The following EGFLAM variants were observed in gnomAD, a reference collection of about 807,000 sequenced individuals.
EGFLAM encodes the protein pikachurin.
EGFLAM carries 79 observed loss-of-function variants against 113.1 expected under a neutral mutation model. That is an observed-to-expected ratio of 0.70 (90% CI 0.58 to 0.84). The LOEUF (loss-of-function observed/expected upper bound fraction) is 0.84. EGFLAM is among the 40% of genes least tolerant of loss of function. The pLI is 0.00. For synonymous variants in EGFLAM, 504 were observed against 487.6 expected (o/e 1.03, Z -0.44); for missense variants, 1,265 against 1,291.6 (o/e 0.98, Z 0.32).
At chr5:38,459,032 C>T (rs1554016106) in intron 20 of EGFLAM, among the ~76,000 whole-genome samples, 1 of 151,196 alleles carries the variant, frequency 6.6e-6, no homozygotes, top group Non-Finnish European at 1.5e-5. Flanking sequence ...CTCCCTCTGG[C>T]TTTTTTTTGT....
At chr5:38,281,676 A>G (rs1047240208) in intron 1 of EGFLAM, among the ~76,000 whole-genome samples, 5 of 152,140 alleles carry the variant, frequency 3.3e-5, no homozygotes, top group African/African-American at 9.7e-5. Flanking sequence ...AGGTATTTGA[A>G]TCTGGACTCT....
chr5:38,414,822 T>G (rs1741590140), intron 11 of EGFLAM, among the ~76,000 whole-genome samples: 1 of 152,096 alleles, frequency 6.6e-6, no homozygotes, highest in Non-Finnish European at 1.5e-5. Context: ...GGACCCCCCC[T>G]CAAGGCCAGA....
intron 6 of EGFLAM, among the ~76,000 whole-genome samples, chr5:38,372,344 C>T (rs1561053564): frequency 6.6e-6 from 1 of 152,054 alleles, no homozygotes; most frequent in Admixed American, 6.6e-5. Context: ...GGTTTCACCA[C>T]GTTGGCCAGG....
At chr5:38,312,233 T>C (rs1156636035) in intron 1 of EGFLAM, among the ~76,000 whole-genome samples, 1 of 151,368 alleles carries the variant, frequency 6.6e-6, no homozygotes, top group African/African-American at 2.5e-5. Flanking sequence ...TCTATCTCTC[T>C]GTATCTCAGA....
chr5:38,450,324 A>G (rs1239083283), intron 18 of EGFLAM, among the ~76,000 whole-genome samples: 5 of 152,124 alleles, frequency 3.3e-5, no homozygotes, highest in Non-Finnish European at 7.4e-5. Flanking sequence ...CTCTTCCCTC[A>G]CTGTTCTGAG....
chr5:38,353,345 T>C (rs1213300111), intron 5 of EGFLAM, among the ~76,000 whole-genome samples: 1 of 152,232 alleles, frequency 6.6e-6, no homozygotes, highest in African/African-American at 2.4e-5. Flanking sequence ...TGAGTGAGTC[T>C]GAAAACAATG....
chr5:38,366,773 G>A (rs9283748), intron 5 of EGFLAM, among the ~76,000 whole-genome samples: 44,361 of 151,994 alleles, frequency 0.29, 6,906 homozygotes, highest in African/African-American at 0.4. Flanking sequence ...AAAAGTGAAG[G>A]ACCCTTTACT....
rs770950366 is a variant in EGFLAM at position 38,458,395 on chromosome 5, G to A, written c.2771+1G>A. 6.2e-7 allele frequency: 1 copy of A among 1,613,854 alleles called. No homozygotes were observed. Reference sequence around the variant, plus strand: ...GGTGGCACCGAGTTAAGGCCGTTAGGTGAGTCCCTCCCGCAGCATGAGGCA... The same window carrying A: ...GGTGGCACCGAGTTAAGGCCGTTAGATGAGTCCCTCCCGCAGCATGAGGCA... On this transcript the variant is annotated splice_donor_variant, in intron 20 of 21. Coordinates refer to ENST00000322350, the MANE Select transcript of EGFLAM (RefSeq NM_152403.4). LOFTEE classifies it high-confidence loss of function.
intron 18 of EGFLAM, among the ~76,000 whole-genome samples, chr5:38,450,313 G>A (rs1742870125): frequency 6.6e-6 from 1 of 152,252 alleles, no homozygotes; most frequent in Non-Finnish European, 1.5e-5. Flanking sequence ...GGGGGGCCTC[G>A]CTCTTCCCTC....
chr5:38,365,659 A>T (rs1740040597), intron 5 of EGFLAM, among the ~76,000 whole-genome samples: 1 of 152,210 alleles, frequency 6.6e-6, no homozygotes, highest in African/African-American at 2.4e-5. Context: ...GGAGAAGTAG[A>T]AAAGAAAGGA....
chr5:38,425,287 C>T (rs1329104560), intron 13 of EGFLAM, among the ~76,000 whole-genome samples, 195 bp downstream of exon 13: 2 of 152,130 alleles, frequency 1.3e-5, no homozygotes, highest in African/African-American at 2.4e-5. Context: ...AAGTGATTCT[C>T]TTCTGCCTCA....
chr5:38,374,256 G>A (rs938676178), intron 6 of EGFLAM, among the ~76,000 whole-genome samples: 10 of 152,120 alleles, frequency 6.6e-5, no homozygotes, highest in African/African-American at 2.2e-4. Flanking sequence ...CAAGACAGGG[G>A]AATTGCAATG....
intron 1 of EGFLAM, among the ~76,000 whole-genome samples, chr5:38,320,623 C>T (rs752721055): frequency 4.6e-5 from 7 of 151,778 alleles, no homozygotes; most frequent in Non-Finnish European, 8.8e-5. Context: ...CATATGCTTA[C>T]GTGTGTGTGT....
intron 18 of EGFLAM, among the ~76,000 whole-genome samples, chr5:38,449,018 C>T (rs538520107): frequency 1.3e-5 from 2 of 152,234 alleles, no homozygotes; most frequent in Non-Finnish European, 2.9e-5. Context: ...CTGGAGTCCT[C>T]GCTCTTGGTT....
intron 6 of EGFLAM, among the ~76,000 whole-genome samples, chr5:38,394,942 T>A (rs1458377158): frequency 6.6e-6 from 1 of 152,054 alleles, no homozygotes; most frequent in Non-Finnish European, 1.5e-5. Flanking sequence ...AGGGTTTTTT[T>A]AATTTTTATT....
intron 6 of EGFLAM, among the ~76,000 whole-genome samples, chr5:38,402,528 C>T (rs1741148247): frequency 6.6e-6 from 1 of 152,194 alleles, no homozygotes; most frequent in Non-Finnish European, 1.5e-5. Context: ...ACAGTGGCTT[C>T]TTCTGCAATA....
At chr5:38,328,265 C>T (rs1055654541) in intron 1 of EGFLAM, among the ~76,000 whole-genome samples, 2 of 152,142 alleles carry the variant, frequency 1.3e-5, no homozygotes, top group African/African-American at 2.4e-5. Flanking sequence ...CCAGATCTTA[C>T]GAGAACTCGC....
Position 38,451,336 on chromosome 5 carries a change from T to C in EGFLAM, c.2565T>C (p.Asn855=), listed in dbSNP as rs1405840883. 1.9e-6 allele frequency: 3 copies of C among 1,613,982 alleles called. No homozygotes were observed. Among genetic ancestry groups the C allele is most frequent in the Non-Finnish European group, 1.7e-6 (2 of 1,179,966 alleles). ...CCAGGGTGTCAGGATCAAGATCAAA[T>C]GTGTTCATGAGGTTTAAAACAACTG... ...ILKRVSGSRS[N]VFMRFKTTAK... is the part of the protein sequence containing the mutation. The change falls in exon 19 of 22, where the codon AAT becomes AAC. Residue 855 remains asparagine (N), a synonymous_variant. Coordinates refer to ENST00000322350, the MANE Select transcript of EGFLAM (RefSeq NM_152403.4).
At position 38,462,908 on chromosome 5, in the gene EGFLAM, G is replaced by T; in HGVS notation, c.2772G>T (p.Arg924Ser). The T allele has an allele frequency of 6.2e-7, 1 of 1,614,054 alleles. No individual in the cohort carries two copies. The highest frequency in any genetic ancestry group is 1.1e-5 in the South Asian group (1 of 91,066). ...DGRWHRVKAV[R>S]DGQSGKITVD... ...TCTTTTTTGTTTTGGTGTTTTGCAG[G>T]GATGGCCAGTCAGGAAAGATAACCG... The change falls in exon 21 of 22, where the codon AGG (arginine) becomes AGT (serine). Residue 924 changes from arginine (R) to serine (S), a missense_variant and splice_region_variant. Coordinates refer to ENST00000322350, the MANE Select transcript of EGFLAM (RefSeq NM_152403.4).
Sources: gnomAD v4.1 joint callset for allele counts (sites outside exome capture counted in the v4.1 genomes callset) on GRCh38, gnomAD v4.1.1 for gene constraint, MANE v1.5 for transcripts, NCBI Gene and HGNC (gene_info 2026-07-23, HGNC 2026-07-21) for gene names.